PIP4K2B: variants seen among roughly 807,000 people sequenced by gnomAD.
PIP4K2B encodes phosphatidylinositol 5-phosphate 4-kinase type-2 beta.
A neutral mutation model predicts 42.0 loss-of-function variants in PIP4K2B; 3 were observed. The ratio of observed to expected loss-of-function variants is 0.07; its 90% CI spans 0.03 to 0.18. PIP4K2B has a LOEUF of 0.18. Among genes scored for constraint, PIP4K2B ranks in the 10% least tolerant of loss-of-function variants. The pLI is 1.00. For synonymous variants in PIP4K2B, 204 were observed against 210.1 expected, an observed-to-expected ratio of 0.97 and a Z score of 0.25; for missense variants, 332 against 562.3, an observed-to-expected ratio of 0.59 and a Z score of 4.14.
At chr17:38,794,887 G>T (rs1273316762) in intron 1 of PIP4K2B, among the ~76,000 whole-genome samples, 1 of 151,814 alleles carries the variant, frequency 6.6e-6, no homozygotes, top group Non-Finnish European at 1.5e-5. Context: ...ATTGCTTGAG[G>T]CCAGGAGTTC....
intron 7 of PIP4K2B, among the ~76,000 whole-genome samples, chr17:38,771,948 T>C (rs1909068378): frequency 6.6e-6 from 1 of 152,134 alleles, no homozygotes; most frequent in Non-Finnish European, 1.5e-5. Context: ...GAGGATCGCG[T>C]GAGCCCAGGA....
At chr17:38,773,557 C>T (rs561522196) in intron 7 of PIP4K2B, among the ~76,000 whole-genome samples, 6 of 152,236 alleles carry the variant, frequency 3.9e-5, no homozygotes, top group Admixed American at 1.3e-4. Flanking sequence ...AATAATGAGG[C>T]AAGAGTGCAG....
chr17:38,782,868 G>T (rs1909785736), intron 3 of PIP4K2B, among the ~76,000 whole-genome samples: 1 of 152,136 alleles, frequency 6.6e-6, no homozygotes, highest in Non-Finnish European at 1.5e-5. Context: ...ATGGGGAAAA[G>T]TTTTCTCCAC....
chr17:38,777,088 A>G (rs1909398390), intron 7 of PIP4K2B, among the ~76,000 whole-genome samples: 1 of 152,134 alleles, frequency 6.6e-6, no homozygotes, highest in Non-Finnish European at 1.5e-5. Context: ...GTTTTGAGAC[A>G]ATGTCTTGCT....
intron 2 of PIP4K2B, among the ~76,000 whole-genome samples, chr17:38,786,033 C>T (rs190993711): frequency 5.3e-5 from 8 of 152,272 alleles, no homozygotes; most frequent in Admixed American, 4.6e-4. Flanking sequence ...AGAGGGAGGT[C>T]ACTAAGGGAT....
In PIP4K2B at chr17:38,771,136, T is replaced by C. The variant is rs764093207; in HGVS notation, c.944A>G (p.Asn315Ser). The C allele has an allele frequency of 6.2e-7, 1 of 1,614,000 alleles. No homozygotes were observed. The highest frequency in any genetic ancestry group is 8.5e-7 in the Non-Finnish European group (1 of 1,179,974). The change falls in exon 8 of 10, where the codon AAC becomes AGC. Residue 315 changes from asparagine to serine, a missense_variant. Asn to Ser is a conservative substitution (Grantham distance 46). Coordinates refer to ENST00000619039, the MANE Select transcript of PIP4K2B (RefSeq NM_003559.5). Reference sequence around the variant, plus strand: ...AGGTGTGCCATAGGAGCAGAGTAGGTTGCCACCCACCCCATCATTCTCACA... The same window carrying C: ...AGGTGTGCCATAGGAGCAGAGTAGGCTGCCACCCACCCCATCATTCTCACA... Reference protein sequence around the residue: ...EECENDGVGGNLLCSYGTPPD... With the variant: ...EECENDGVGGSLLCSYGTPPD...
intron 1 of PIP4K2B, among the ~76,000 whole-genome samples, chr17:38,790,452 C>T (rs1272683877): frequency 2.0e-5 from 3 of 152,106 alleles, no homozygotes; most frequent in Non-Finnish European, 4.4e-5. Flanking sequence ...TTTGGGAGGC[C>T]TAAGGGGACG....
chr17:38,779,265 C>T, intron 5 of PIP4K2B, 118 bp downstream of exon 5: 1 of 1,005,594 alleles, frequency 9.9e-7, no homozygotes, highest in Non-Finnish European at 1.5e-6. Flanking sequence ...CTCCAGAGTT[C>T]CCTGTCCATG....
At chr17:38,789,712 T>C (rs1910243110) in intron 1 of PIP4K2B, among the ~76,000 whole-genome samples, 1 of 151,926 alleles carries the variant, frequency 6.6e-6, no homozygotes, top group Admixed American at 6.6e-5. Flanking sequence ...CTTCCTAGAG[T>C]TGGGAAAAAA....
intron 1 of PIP4K2B, among the ~76,000 whole-genome samples, chr17:38,788,793 A>G (rs988903060): frequency 6.6e-6 from 1 of 152,130 alleles, no homozygotes; most frequent in African/African-American, 2.4e-5. Context: ...TCTACTAAAA[A>G]TACAAAAAAA....
At chr17:38,788,593 A>G (rs1175203349) in intron 1 of PIP4K2B, among the ~76,000 whole-genome samples, 1 of 151,704 alleles carries the variant, frequency 6.6e-6, no homozygotes, top group African/African-American at 2.4e-5. Flanking sequence ...ACAGTGGCTC[A>G]TGCCTGTAAT....
rs1278567856 is a variant in PIP4K2B, at chr17:38,799,503, G to C, written c.-79C>G. On this transcript the variant is annotated 5_prime_UTR_variant, in exon 1 of 10. Transcript: ENST00000619039. This position sits in a 1 kb window ranked among gnomAD's most constrained non-coding sequence, Gnocchi z 4.4. ...AAGCCAGCGGCCTCAGGCCTCCCCCGGACCGATCCCCACCCCCGCTCCCTC... is the reference window on the plus strand; with the variant it reads ...AAGCCAGCGGCCTCAGGCCTCCCCCCGACCGATCCCCACCCCCGCTCCCTC... The C allele has an allele frequency of 1.4e-6, 2 of 1,385,990 alleles. No homozygotes were observed. The highest frequency in any genetic ancestry group is 1.9e-6 in the Non-Finnish European group (2 of 1,077,094). The allele number at this position is 1,385,990 out of a possible 1,614,324, so 85.9% of individuals were successfully genotyped here.
At chr17:38,770,882 G>T in intron 8 of PIP4K2B, 132 bp downstream of exon 8, 1 of 1,020,082 alleles carries the variant, frequency 9.8e-7, no homozygotes, top group Non-Finnish European at 1.4e-6. Context: ...ATGGGAATCT[G>T]GAGGCAGAAA....
In PIP4K2B at chr17:38,772,104, AG is replaced by A. The variant is rs544566908; in HGVS notation, c.808-833del. ...AATGATATACTATGGAAGAGGATGG[AG>A]CGATGGATATGACACAACAATATAT... On this transcript the variant is annotated intron_variant, in intron 7 of 9. Transcript: ENST00000619039. Among the ~76,000 whole-genome samples the A allele has an allele frequency of 1.1e-4, 16 of 152,294 alleles. No homozygotes were observed. In the East Asian group the frequency reaches 3.1e-3, roughly 29 times the overall value.
chr17:38,775,204 T>A (rs1205215012), intron 7 of PIP4K2B, among the ~76,000 whole-genome samples: 1 of 152,046 alleles, frequency 6.6e-6, no homozygotes, highest in Non-Finnish European at 1.5e-5. Context: ...CCGCCTGCCT[T>A]GGCCTCCCAA....
intron 7 of PIP4K2B, among the ~76,000 whole-genome samples, chr17:38,771,766 T>A (rs904581526): frequency 3.9e-5 from 6 of 152,048 alleles, no homozygotes; most frequent in Non-Finnish European, 5.9e-5. Flanking sequence ...CGGTGGCTCA[T>A]GCCTGTAATC....
chr17:38,793,815 T>C (rs904000889), intron 1 of PIP4K2B, among the ~76,000 whole-genome samples: 29 of 151,750 alleles, frequency 1.9e-4, no homozygotes, highest in African/African-American at 5.6e-4. Flanking sequence ...GGGGCTTCAT[T>C]GAGCCGTGAT....
chr17:38,770,650 T>C, intron 8 of PIP4K2B, 111 bp from the exon 9 acceptor site: 1 of 710,836 alleles, frequency 1.4e-6, no homozygotes, highest in African/African-American at 1.8e-5. Context: ...ATCCTTATCA[T>C]GTTGGGGCTG....
chr17:38,786,580 C>G (rs1449340299), intron 2 of PIP4K2B, among the ~76,000 whole-genome samples: 1 of 152,212 alleles, frequency 6.6e-6, no homozygotes, highest in Non-Finnish European at 1.5e-5. Context: ...CACCCTGGGC[C>G]CAGCCACATG....
Sources: allele counts gnomAD v4.1 joint callset (sites outside exome capture counted in the v4.1 genomes callset), GRCh38; gene constraint gnomAD v4.1.1; non-coding constraint Gnocchi (gnomAD v3.1); transcripts MANE v1.5; gene names NCBI Gene and HGNC (gene_info 2026-07-23, HGNC 2026-07-21).